GPHN: variants seen among roughly 807,000 people sequenced by gnomAD.
GPHN encodes the protein gephyrin.
A neutral mutation model predicts 95.5 loss-of-function variants in GPHN; 17 were observed. The ratio of observed to expected loss-of-function variants is 0.18; its 90% CI spans 0.12 to 0.27. GPHN has a LOEUF of 0.27. GPHN is among the 10% of genes least tolerant of loss of function. The probability of loss-of-function intolerance (pLI) is 1.00; values close to 1 mark genes in which losing one functional copy is unlikely to be tolerated. For missense variants in GPHN, 660 were observed against 978.1 expected (o/e 0.67, Z 4.34); for synonymous variants, 320 against 322.5 (o/e 0.99, Z 0.08).
intron 8 of GPHN, among the ~76,000 whole-genome samples, chr14:66,926,325 G>A (rs2153563408): frequency 6.6e-6 from 1 of 152,308 alleles, no homozygotes; most frequent in East Asian, 1.9e-4. Context: ...CCAGTCCAAT[G>A]TCCTGGAGAG....
chr14:67,685,169 T>C, the GPHN span: 1 of 1,614,116 alleles, frequency 6.2e-7, no homozygotes, highest in Non-Finnish European at 8.5e-7. Context: ...GATTGGACTG[T>C]GCCAGGGTGT....
chr14:66,854,607 T>TA (rs989868567), intron 4 of GPHN, among the ~76,000 whole-genome samples: 65 of 152,314 alleles, frequency 4.3e-4, no homozygotes, highest in Middle Eastern at 3.4e-3. Context: ...TGAAAGGTGT[T>TA]ATGCAAAGTC....
At chr14:67,507,403 G>A in the GPHN span, among the ~76,000 whole-genome samples, 1 of 152,026 alleles carries the variant, frequency 6.6e-6, no homozygotes, top group Non-Finnish European at 1.5e-5. Context: ...TCAAGTTCTG[G>A]AGACCCAAGT....
chr14:67,080,321 G>A (rs1042283158), intron 11 of GPHN, among the ~76,000 whole-genome samples: 2 of 151,628 alleles, frequency 1.3e-5, no homozygotes, highest in Non-Finnish European at 2.9e-5. Flanking sequence ...ACTCTTACTA[G>A]ATATATGATT....
At chr14:67,076,777 C>T (rs2076511540) in intron 11 of GPHN, among the ~76,000 whole-genome samples, 2 of 152,160 alleles carry the variant, frequency 1.3e-5, no homozygotes, top group Non-Finnish European at 2.9e-5. Flanking sequence ...TTTATGTCCA[C>T]ATTTTATATT....
intron 1 of GPHN, among the ~76,000 whole-genome samples, chr14:66,596,640 G>A (rs2061985332): frequency 6.6e-6 from 1 of 152,202 alleles, no homozygotes; most frequent in Non-Finnish European, 1.5e-5. Flanking sequence ...TTCAAAATTG[G>A]AGCGGGTGTT....
the GPHN span, chr14:67,685,321 G>T: frequency 1.3e-6 from 1 of 741,924 alleles, no homozygotes; most frequent in Non-Finnish European, 2.2e-6. Context: ...TTTTGCCCAT[G>T]GTGACATCAG....
chr14:67,205,058 A>G, the GPHN span: 71 of 1,551,456 alleles, frequency 4.6e-5, no homozygotes, highest in Non-Finnish European at 6.0e-5. Context: ...TTTGAAAACA[A>G]TGACTTAATC....
At chr14:67,593,924 A>C in the GPHN span, 1 of 1,612,962 alleles carries the variant, frequency 6.2e-7, no homozygotes, top group Non-Finnish European at 8.5e-7. Context: ...GAGGGTGATG[A>C]AGATGGCAGC....
chr14:67,379,782 A>G, the GPHN span, among the ~76,000 whole-genome samples: 19,183 of 135,828 alleles, frequency 0.14, 2,275 homozygotes, highest in East Asian at 0.4. Flanking sequence ...AGCCTCCCAA[A>G]TAGCTGGGAC....
chr14:67,277,769 G>A, the GPHN span, among the ~76,000 whole-genome samples: 3 of 152,000 alleles, frequency 2.0e-5, no homozygotes, highest in Non-Finnish European at 4.4e-5. Context: ...GTTAATACTG[G>A]TAATTAATGT....
rs553252693 is a variant in GPHN at position 66,873,928 on chromosome 14, T to G, written c.295-6011T>G. On this transcript the variant is annotated intron_variant, in intron 4 of 22. Transcript: ENST00000478722. Reference sequence around the variant, plus strand: ...CTAAGGGACAGACTGCATCCTCAAGTGGGTCCCTGACCCCCATGCCTCCTG... The same window carrying G: ...CTAAGGGACAGACTGCATCCTCAAGGGGGTCCCTGACCCCCATGCCTCCTG... Among the ~76,000 whole-genome samples the G allele has an allele frequency of 2.0e-4, 30 of 152,308 alleles. No homozygotes were observed. In the East Asian group the frequency reaches 5.6e-3, roughly 28 times the overall value.
chr14:67,375,383 A>G, the GPHN span, among the ~76,000 whole-genome samples: 1 of 151,888 alleles, frequency 6.6e-6, no homozygotes, highest in Non-Finnish European at 1.5e-5. Context: ...TGCCTCCCGG[A>G]ATGTTTGAGA....
chr14:66,650,740 C>T (rs189177366), intron 1 of GPHN, among the ~76,000 whole-genome samples: 5 of 152,270 alleles, frequency 3.3e-5, no homozygotes, highest in Admixed American at 2.0e-4. Context: ...ACCACAGCTG[C>T]AGAACTATTC....
intron 2 of GPHN, among the ~76,000 whole-genome samples, chr14:66,744,204 A>G (rs1363968819): frequency 1.3e-5 from 2 of 152,186 alleles, no homozygotes; most frequent in Non-Finnish European, 2.9e-5. Flanking sequence ...GAGTTACTCT[A>G]TTACACAAAA....
the GPHN span, among the ~76,000 whole-genome samples, chr14:67,622,013 C>T: frequency 6.6e-6 from 1 of 152,174 alleles, no homozygotes; most frequent in African/African-American, 2.4e-5. Flanking sequence ...AGAAGAATTG[C>T]TTGAACCTGG....
At chr14:66,584,328 T>G (rs2061332478) in intron 1 of GPHN, among the ~76,000 whole-genome samples, 1 of 152,220 alleles carries the variant, frequency 6.6e-6, no homozygotes, top group East Asian at 1.9e-4. Flanking sequence ...TCTTGTCATC[T>G]GCAAACAGGG....
intron 2 of GPHN, among the ~76,000 whole-genome samples, chr14:66,751,457 G>T (rs1216028434): frequency 1.3e-5 from 2 of 151,882 alleles, no homozygotes; most frequent in Non-Finnish European, 2.9e-5. Flanking sequence ...TTGAGCTTTT[G>T]TTTATATGCT....
chr14:67,312,511 C>T, the GPHN span: 5 of 1,492,058 alleles, frequency 3.4e-6, no homozygotes, highest in South Asian at 3.0e-5. Context: ...TTGTTTTTGC[C>T]CTTTTTATCT....
Sources: allele counts gnomAD v4.1 joint callset (sites outside exome capture counted in the v4.1 genomes callset), GRCh38; gene constraint gnomAD v4.1.1; transcripts MANE v1.5; gene names NCBI Gene and HGNC (gene_info 2026-07-23, HGNC 2026-07-21).